The following GBE1 variants were observed in gnomAD, a reference collection of about 807,000 sequenced individuals.
GBE1 encodes the protein 1,4-alpha-glucan branching enzyme 1.
GBE1 carries 70 observed loss-of-function variants against 88.8 expected under a neutral mutation model. That is an observed-to-expected ratio of 0.79 (90% CI 0.65 to 0.96). GBE1 has a LOEUF of 0.96. Ranked by LOEUF, GBE1 falls within the 40% of genes least tolerant of loss-of-function variation. The probability of loss-of-function intolerance (pLI) is 0.00; values close to 1 mark genes in which losing one functional copy is unlikely to be tolerated. For missense variants in GBE1, 872 were observed against 871.0 expected (o/e 1.00, Z -0.01); for synonymous variants, 284 against 300.1 (o/e 0.95, Z 0.56).
At chr3:81,496,067 T>C (rs1260463446) in intron 15 of GBE1, among the ~76,000 whole-genome samples, 2 of 152,192 alleles carry the variant, frequency 1.3e-5, no homozygotes, top group Non-Finnish European at 2.9e-5. Flanking sequence ...AGAAAGGAAG[T>C]CCCCTGCCTC....
intron 2 of GBE1, among the ~76,000 whole-genome samples, chr3:81,692,965 T>G (rs1049923362): frequency 2.6e-5 from 4 of 152,168 alleles, no homozygotes; most frequent in African/African-American, 9.7e-5. Flanking sequence ...AATGAATGCT[T>G]TGCTATGACT....
intron 12 of GBE1, among the ~76,000 whole-genome samples, chr3:81,565,587 T>C (rs528240882): frequency 6.6e-6 from 1 of 152,264 alleles, no homozygotes; most frequent in Non-Finnish European, 1.5e-5. Context: ...CATTAAAGAA[T>C]GTCCTACAAA....
intron 1 of GBE1, among the ~76,000 whole-genome samples, chr3:81,756,004 G>A (rs1306771647): frequency 6.6e-6 from 1 of 151,908 alleles, no homozygotes; most frequent in African/African-American, 2.4e-5. Context: ...AATTTTAATA[G>A]ATACCAATGT....
At chr3:81,750,562 T>C (rs546727944) in intron 1 of GBE1, among the ~76,000 whole-genome samples, 1,678 of 80,842 alleles carry the variant, frequency 0.021, 177 homozygotes, top group African/African-American at 0.052. Context: ...TATATATATA[T>C]GTATATATAT....
At chr3:81,593,048 T>C (rs1471822772) in intron 8 of GBE1, among the ~76,000 whole-genome samples, 2 of 151,990 alleles carry the variant, frequency 1.3e-5, no homozygotes, top group African/African-American at 4.8e-5. Context: ...TTATTGCTAG[T>C]GAACATTTGG....
intron 14 of GBE1, among the ~76,000 whole-genome samples, chr3:81,530,051 T>A (rs1702992799): frequency 6.6e-6 from 1 of 151,888 alleles, no homozygotes; most frequent in South Asian, 2.1e-4. Flanking sequence ...CATTTTCACA[T>A]ACCTTGTCTT....
intron 15 of GBE1, among the ~76,000 whole-genome samples, chr3:81,491,300 A>C (rs1005304708): frequency 3.3e-5 from 5 of 152,268 alleles, no homozygotes; most frequent in Admixed American, 2.0e-4. Flanking sequence ...CACTTAACAC[A>C]ATTTGTGAAT....
intron 12 of GBE1, among the ~76,000 whole-genome samples, chr3:81,557,054 CG>C (rs1034567433): frequency 1.6e-4 from 24 of 151,830 alleles, no homozygotes; most frequent in African/African-American, 5.3e-4. Context: ...CTTTCTTAAA[CG>C]ATGAAGTTGA....
intron 14 of GBE1, among the ~76,000 whole-genome samples, chr3:81,511,867 GA>G (rs35931209): frequency 0.19 from 21,171 of 112,192 alleles, 2,256 homozygotes; most frequent in East Asian, 0.42. Flanking sequence ...TGTCCTACAA[GA>G]AAAAAAAAAA....
At chr3:81,540,272 C>T (rs1703127630) in intron 12 of GBE1, among the ~76,000 whole-genome samples, 1 of 151,954 alleles carries the variant, frequency 6.6e-6, no homozygotes, top group African/African-American at 2.4e-5. Flanking sequence ...AATGTTCACC[C>T]CTACCCTCAA....
intron 11 of GBE1, among the ~76,000 whole-genome samples, chr3:81,578,377 T>C (rs1320318890): frequency 6.6e-6 from 1 of 152,064 alleles, no homozygotes; most frequent in Non-Finnish European, 1.5e-5. Context: ...ATATCTGTTA[T>C]ATGTGAGCTG....
In GBE1 at chr3:81,733,286, C is replaced by T. The variant is rs965106582; in HGVS notation, c.144-27673G>A. Among the ~76,000 whole-genome samples, 18 of 151,958 alleles carry T rather than the reference C, an allele frequency of 1.2e-4. No homozygotes were observed. Among genetic ancestry groups the T allele is most frequent in the Admixed American group, 1.1e-3 (16 of 15,238 alleles). ...ATCTGTCACTGTCTCCCATCACCCC[C>T]AGACAGGATCATCTAGTTGCAGGAA... On this transcript the variant is annotated intron_variant, in intron 1 of 15. Coordinates refer to ENST00000429644, the MANE Select transcript of GBE1 (RefSeq NM_000158.4). The surrounding 1 kb of genome is among the most constrained non-coding windows in gnomAD (Gnocchi z 4.0).
rs143304771 is a variant in GBE1, at chr3:81,728,490, G to A, written c.144-22877C>T. 3.3e-5 allele frequency among the ~76,000 whole-genome samples: 5 copies of A among 152,268 alleles called. No homozygotes were observed. The East Asian group carries it at 9.6e-4, about 29-fold the overall frequency. ...AACTTTTCCTCTAAGAGCCAAGAGA[G>A]GCAGGTAATAACAGAAAAGAAACTG... On this transcript the variant is annotated intron_variant, in intron 1 of 15. Coordinates refer to ENST00000429644, the MANE Select transcript of GBE1 (RefSeq NM_000158.4).
chr3:81,592,940 GTAGC>G (rs1293759617), intron 8 of GBE1, among the ~76,000 whole-genome samples: 1 of 152,108 alleles, frequency 6.6e-6, no homozygotes, highest in African/African-American at 2.4e-5. Context: ...AGATCAAGCA[GTAGC>G]ACACTTTGAA....
intron 7 of GBE1, among the ~76,000 whole-genome samples, chr3:81,599,910 T>C (rs769078078): frequency 2.6e-5 from 4 of 152,198 alleles, no homozygotes. Context: ...TTTGGAAACA[T>C]TAACAATTCA....
At chr3:81,748,565 C>G (rs1049029177) in intron 1 of GBE1, among the ~76,000 whole-genome samples, 1 of 151,842 alleles carries the variant, frequency 6.6e-6, no homozygotes, top group African/African-American at 2.4e-5. Flanking sequence ...GAGCCGAGAC[C>G]GCGCCACTGC....
chr3:81,551,011 C>T (rs1703264866), intron 12 of GBE1, among the ~76,000 whole-genome samples: 1 of 152,098 alleles, frequency 6.6e-6, no homozygotes, highest in Admixed American at 6.5e-5. Flanking sequence ...TGTATAGGGA[C>T]CCTTTTCTGG....
At chr3:81,602,959 TTCTTGTCG>T (rs1704053109) in intron 7 of GBE1, among the ~76,000 whole-genome samples, 1 of 152,108 alleles carries the variant, frequency 6.6e-6, no homozygotes, top group African/African-American at 2.4e-5. Context: ...CATGCCCCAA[TTCTTGTCG>T]TCTTCAGCCC....
chr3:81,638,189 C>T (rs1704617960), intron 7 of GBE1, among the ~76,000 whole-genome samples: 1 of 152,044 alleles, frequency 6.6e-6, no homozygotes, highest in East Asian at 1.9e-4. Flanking sequence ...TTTCTGAAAA[C>T]AACTCTAGTT....
Sources: gnomAD v4.1 joint callset for allele counts (sites outside exome capture counted in the v4.1 genomes callset) on GRCh38, gnomAD v4.1.1 for gene constraint, Gnocchi (gnomAD v3.1) non-coding constraint, MANE v1.5 for transcripts, NCBI Gene and HGNC (gene_info 2026-07-23, HGNC 2026-07-21) for gene names.